TTC28: variants seen among roughly 807,000 people sequenced by gnomAD.
TTC28 encodes the protein tetratricopeptide repeat protein 28.
Under a neutral mutation model 198.0 loss-of-function variants are expected in TTC28, and 61 were observed. The ratio of observed to expected loss-of-function variants is 0.31; its 90% CI spans 0.25 to 0.38. The LOEUF (loss-of-function observed/expected upper bound fraction) is 0.38, where lower values mean the gene tolerates loss of function less well. TTC28 is among the 10% of genes least tolerant of loss of function. The pLI is 1.00. For synonymous variants in TTC28, 1,171 were observed against 1,297.8 expected (o/e 0.90, Z 2.10); for missense variants, 2,678 against 3,164.0 (o/e 0.85, Z 3.69).
intron 6 of TTC28, among the ~76,000 whole-genome samples, chr22:28,149,496 G>A (rs908194712): frequency 3.9e-5 from 6 of 152,270 alleles, no homozygotes; most frequent in Non-Finnish European, 5.9e-5. Context: ...GAAATTAGCC[G>A]GGCACAGAAA....
intron 2 of TTC28, among the ~76,000 whole-genome samples, chr22:28,330,358 T>C (rs2045595347): frequency 6.6e-6 from 1 of 152,164 alleles, no homozygotes; most frequent in Non-Finnish European, 1.5e-5. Flanking sequence ...GACAGCACCA[T>C]TCACAGACAA....
chr22:28,064,507 G>A (rs1296161334), intron 12 of TTC28, among the ~76,000 whole-genome samples: 15 of 151,952 alleles, frequency 9.9e-5, no homozygotes, highest in Admixed American at 3.3e-4. Context: ...AGAAGAGCGC[G>A]GAAAACTCAA....
intron 5 of TTC28, among the ~76,000 whole-genome samples, chr22:28,206,051 A>G (rs992628782): frequency 1.3e-5 from 2 of 151,880 alleles, no homozygotes; most frequent in African/African-American, 4.8e-5. Context: ...TTAGAGTCCT[A>G]GCAGCTAAAG....
At chr22:28,261,842 C>A (rs2147300234) in intron 5 of TTC28, among the ~76,000 whole-genome samples, 1 of 152,172 alleles carries the variant, frequency 6.6e-6, no homozygotes, top group Admixed American at 6.6e-5. Context: ...TACATCTAGT[C>A]CCATAGAATC....
chr22:28,391,321 T>C (rs1601327453), intron 2 of TTC28, among the ~76,000 whole-genome samples: 2 of 152,282 alleles, frequency 1.3e-5, no homozygotes, highest in East Asian at 3.9e-4. Flanking sequence ...TTATGTGTCT[T>C]GGAGTTGCTC....
intron 5 of TTC28, among the ~76,000 whole-genome samples, chr22:28,243,389 C>T (rs1273009810): frequency 6.7e-6 from 1 of 150,190 alleles, no homozygotes; most frequent in Admixed American, 6.6e-5. Flanking sequence ...AACAAAAAAA[C>T]CTGGAGTTTT....
chr22:28,142,340 G>T (rs1265935158), intron 6 of TTC28, among the ~76,000 whole-genome samples: 1 of 152,296 alleles, frequency 6.6e-6, no homozygotes, highest in South Asian at 2.1e-4. Flanking sequence ...GGAGGGGGAA[G>T]GGTTGGGAAG....
chr22:28,288,727 G>A (rs1283194092), intron 5 of TTC28, among the ~76,000 whole-genome samples: 1 of 151,318 alleles, frequency 6.6e-6, no homozygotes, highest in East Asian at 1.9e-4. Flanking sequence ...GCAGGAGAGT[G>A]GCTTGAACCC....
In TTC28 at chr22:28,363,959, G is replaced by C. The variant is rs180685878; in HGVS notation, c.382-57316C>G. Among the ~76,000 whole-genome samples, 357 of 152,256 alleles carry C rather than the reference G, an allele frequency of 2.3e-3. 1 individual carries two copies. The highest frequency in any genetic ancestry group is 4.0e-3 in the Non-Finnish European group (274 of 68,022). ...GGTGGAAGGGACTTGCCTTGTTTTG[G>C]ATGAGACTTTGGACTGTGGACTTTT... On this transcript the variant is annotated intron_variant, in intron 2 of 22. Coordinates refer to ENST00000397906, the MANE Select transcript of TTC28 (RefSeq NM_001145418.2).
intron 5 of TTC28, among the ~76,000 whole-genome samples, chr22:28,196,621 G>C (rs963660642): frequency 2.0e-5 from 3 of 152,138 alleles, no homozygotes; most frequent in Non-Finnish European, 4.4e-5. Context: ...ATCAAAAAGT[G>C]AGTGAAGGAT....
At chr22:28,567,567 C>T (rs1360946354) in intron 2 of TTC28, among the ~76,000 whole-genome samples, 1 of 133,508 alleles carries the variant, frequency 7.5e-6, no homozygotes, top group Non-Finnish European at 1.6e-5. Flanking sequence ...AAAAGGCAAC[C>T]AAGGCAGAAA....
At chr22:28,488,089 G>A (rs754182941) in intron 2 of TTC28, among the ~76,000 whole-genome samples, 1 of 152,096 alleles carries the variant, frequency 6.6e-6, no homozygotes. Flanking sequence ...TCCAGGCATA[G>A]AGAACCAGTT....
At chr22:28,407,469 T>TGC (rs575400782) in intron 2 of TTC28, among the ~76,000 whole-genome samples, 1,414 of 140,002 alleles carry the variant, frequency 0.01, 15 homozygotes, top group African/African-American at 0.032. Context: ...CACACATGCG[T>TGC]GCGCACACAC....
At chr22:28,472,059 G>A (rs1240787235) in intron 2 of TTC28, among the ~76,000 whole-genome samples, 1 of 152,074 alleles carries the variant, frequency 6.6e-6, no homozygotes, top group Non-Finnish European at 1.5e-5. Context: ...CAAAGATTCT[G>A]CCTTTCCTGA....
intron 2 of TTC28, among the ~76,000 whole-genome samples, chr22:28,397,637 C>T (rs2046838494): frequency 6.6e-6 from 1 of 152,196 alleles, no homozygotes; most frequent in Non-Finnish European, 1.5e-5. Flanking sequence ...TTTGTTAGTG[C>T]TGTTTTGAGT....
intron 2 of TTC28, among the ~76,000 whole-genome samples, chr22:28,484,812 C>T (rs1023652028): frequency 1.3e-5 from 2 of 152,200 alleles, no homozygotes; most frequent in African/African-American, 4.8e-5. Context: ...TCTCTGAAAT[C>T]TAAAGACTCT....
chr22:28,117,913 T>C (rs971629855), intron 6 of TTC28, among the ~76,000 whole-genome samples: 4 of 152,208 alleles, frequency 2.6e-5, no homozygotes, highest in Non-Finnish European at 4.4e-5. Context: ...AATTTAATTG[T>C]ACATTTAAAA....
At chr22:28,424,292 A>G (rs972790287) in intron 2 of TTC28, among the ~76,000 whole-genome samples, 1 of 152,176 alleles carries the variant, frequency 6.6e-6, no homozygotes, top group Non-Finnish European at 1.5e-5. Flanking sequence ...GCCTTTGTCT[A>G]TGGTAATGCC....
chr22:28,160,210 G>A lies in TTC28; in HGVS notation c.1441+2882C>T, dbSNP rs1007450281. Reference sequence around the variant, plus strand: ...GTACATTTGAAAATAACTAAAAAGTGTAATTGGATTGTTTGTAACACAAAG... The same window carrying A: ...GTACATTTGAAAATAACTAAAAAGTATAATTGGATTGTTTGTAACACAAAG... On this transcript the variant is annotated intron_variant, in intron 6 of 22. Coordinates refer to ENST00000397906, the MANE Select transcript of TTC28 (RefSeq NM_001145418.2). 2.0e-5 allele frequency among the ~76,000 whole-genome samples: 3 copies of A among 152,272 alleles called. 1 individual carries two copies. In the East Asian group the frequency reaches 5.8e-4, roughly 29 times the overall value.
Sources: allele counts gnomAD v4.1 joint callset (sites outside exome capture counted in the v4.1 genomes callset), GRCh38; gene constraint gnomAD v4.1.1; transcripts MANE v1.5; gene names NCBI Gene and HGNC (gene_info 2026-07-23, HGNC 2026-07-21).